Variants in TPCN1 observed in about 807,000 individuals in gnomAD.
The protein encoded by TPCN1 is two pore segment channel 1.
Under a neutral mutation model 108.8 loss-of-function variants are expected in TPCN1, and 52 were observed. The ratio of observed to expected loss-of-function variants is 0.48; its 90% CI spans 0.38 to 0.60. The LOEUF (loss-of-function observed/expected upper bound fraction) is 0.60. Among genes scored for constraint, TPCN1 ranks in the 20% least tolerant of loss-of-function variants. TPCN1 has a pLI of 0.00. For synonymous variants in TPCN1, 446 were observed against 433.7 expected, an observed-to-expected ratio of 1.03 and a Z score of -0.35; for missense variants, 806 against 1,072.8, an observed-to-expected ratio of 0.75 and a Z score of 3.47.
chr12:113,241,318 C>T (rs1196546542), intron 2 of TPCN1, among the ~76,000 whole-genome samples: 1 of 152,208 alleles, frequency 6.6e-6, no homozygotes, highest in Admixed American at 6.5e-5. Context: ...ATGGCCGCCT[C>T]ACCTCTTGTT....
At chr12:113,254,335 G>A (rs1433142578) in intron 2 of TPCN1, among the ~76,000 whole-genome samples, 1 of 152,174 alleles carries the variant, frequency 6.6e-6, no homozygotes, top group Non-Finnish European at 1.5e-5. Flanking sequence ...TATGAGGCCA[G>A]CATTACCTTG....
chr12:113,271,687 TTTC>T (rs1157672669), intron 7 of TPCN1, among the ~76,000 whole-genome samples: 1 of 152,216 alleles, frequency 6.6e-6, no homozygotes, highest in African/African-American at 2.4e-5. Flanking sequence ...GTCGGACGTT[TTTC>T]TTATCACAAA....
At chr12:113,221,961 G>C (rs540006025) in intron 1 of TPCN1, among the ~76,000 whole-genome samples, 1 of 152,272 alleles carries the variant, frequency 6.6e-6, no homozygotes, top group East Asian at 1.9e-4. Flanking sequence ...TGACCCCACA[G>C]GAGTCTTGTG....
chr12:113,223,433 G>GTTTTTTTTTTTTT (rs1167268590), intron 1 of TPCN1, among the ~76,000 whole-genome samples: 1 of 101,764 alleles, frequency 9.8e-6, no homozygotes, highest in Non-Finnish European at 2.0e-5. Flanking sequence ...GATCTGCTGA[G>GTTTTTTTTTTTTT]TCTTTTTTTT....
In TPCN1 at chr12:113,273,815, C is replaced by A; in HGVS notation, c.942+147C>A. 1 of 760,450 alleles carries A rather than the reference C, an allele frequency of 1.3e-6. No individual in the cohort carries two copies. Among genetic ancestry groups the A allele is most frequent in the South Asian group, 1.5e-5 (1 of 66,834 alleles). The allele number at this position is 760,450 out of a possible 1,614,324, so 47.1% of individuals were successfully genotyped here. On this transcript the variant is annotated intron_variant, in intron 10 of 27. Transcript: ENST00000335509. The surrounding 1 kb of genome is among the most constrained non-coding windows in gnomAD (Gnocchi z 4.0). ...GAAGTCCCAGATTCATAGTCAGGTGCGGTGTTGCAGGGAATGCCCTGTCGG... is the reference window on the plus strand; with the variant it reads ...GAAGTCCCAGATTCATAGTCAGGTGAGGTGTTGCAGGGAATGCCCTGTCGG...
Position 113,284,628 on chromosome 12 carries a change from A to G in TPCN1, c.1390A>G (p.Met464Val). The part of the protein sequence containing the change: ...NGVWILVETF[M>V]LKGGNFFSKH... The stretch of plus-strand genomic sequence containing the variant: ...GGTCTGGATCCTCGTGGAGACATTT[A>G]TGCTGAAAGGTGAGCCCCGCTCAGG... The change falls in exon 16 of 28, where the codon ATG (methionine) becomes GTG (valine). Residue 464 changes from methionine (M) to valine (V), a missense_variant. Transcript: ENST00000335509. The surrounding 1 kb of genome is among the most constrained non-coding windows in gnomAD (Gnocchi z 4.1). 6.2e-7 allele frequency: 1 copy of G among 1,614,202 alleles called. No homozygotes were observed.
In TPCN1 at chr12:113,280,137, T is replaced by G; in HGVS notation, c.1298-14T>G. 1 of 1,591,784 alleles carries G rather than the reference T, an allele frequency of 6.3e-7. No individual in the cohort carries two copies. The highest frequency in any genetic ancestry group is 8.6e-7 in the Non-Finnish European group (1 of 1,160,920). On this transcript the variant is annotated splice_polypyrimidine_tract_variant and intron_variant, in intron 14 of 27. Transcript: ENST00000335509. ...GCGTAAATTTACATTTTAACTTGTC[T>G]TTTCTTCAAATAGGTATTAATATCC...
chr12:113,239,743 G>A (rs1000813245), intron 2 of TPCN1, among the ~76,000 whole-genome samples: 1 of 152,176 alleles, frequency 6.6e-6, no homozygotes, highest in Non-Finnish European at 1.5e-5. Context: ...CTCCCCAGGA[G>A]CCCACACATG....
At chr12:113,278,861 G>C (rs772661474) in intron 14 of TPCN1, 26 bp downstream of exon 14, 1 of 1,611,936 alleles carries the variant, frequency 6.2e-7, no homozygotes, top group Admixed American at 1.7e-5. Flanking sequence ...TATGGCAGGT[G>C]TTGGCAGCTG....
Position 113,288,405 on chromosome 12 carries a change from C to T in TPCN1, c.1706+171C>T, listed in dbSNP as rs1956161767. On this transcript the variant is annotated intron_variant, in intron 20 of 27. Transcript: ENST00000335509. The surrounding 1 kb of genome is among the most constrained non-coding windows in gnomAD (Gnocchi z 4.8). Reference sequence around the variant, plus strand: ...TCTTGACCACCACAGGTCTCCTGGGCACCATTTTTCTCCACTGACCTGTCT... The same window carrying T: ...TCTTGACCACCACAGGTCTCCTGGGTACCATTTTTCTCCACTGACCTGTCT... The T allele has an allele frequency of 1.3e-6, 2 of 1,485,356 alleles. No individual in the cohort carries two copies. The highest frequency in any genetic ancestry group is 1.8e-6 in the Non-Finnish European group (2 of 1,119,928). The allele number at this position is 1,485,356 out of a possible 1,614,324, so 92.0% of individuals were successfully genotyped here.
chr12:113,288,245 C>T lies in TPCN1; in HGVS notation c.1706+11C>T, dbSNP rs542380603. 4 of 1,613,602 alleles carry T rather than the reference C, an allele frequency of 2.5e-6. No individual in the cohort carries two copies. The highest frequency in any genetic ancestry group is 4.5e-5 in the East Asian group (2 of 44,868). ...GCCCCGGATGGCCAGGTACTGCCAG[C>T]CCCCACCCTGGCCTGCAGGTCCAGG... On this transcript the variant is annotated intron_variant, in intron 20 of 27. Coordinates refer to ENST00000335509, the MANE Select transcript of TPCN1 (RefSeq NM_017901.6). This position sits in a 1 kb window ranked among gnomAD's most constrained non-coding sequence, Gnocchi z 4.8.
chr12:113,296,223 G>T lies in TPCN1; in HGVS notation c.*147G>T, dbSNP rs1956425944. ...AAAAAAGACAGACAAGATGGGGCTT[G>T]GTTTATAACCACCTTGCCCTGTCTT... On this transcript the variant is annotated 3_prime_UTR_variant, in exon 28 of 28. Transcript: ENST00000335509. 6.9e-6 allele frequency: 9 copies of T among 1,299,452 alleles called. No homozygotes were observed. The highest frequency in any genetic ancestry group is 9.3e-6 in the Non-Finnish European group (9 of 970,618). The allele number at this position is 1,299,452 out of a possible 1,614,324, so 80.5% of individuals were successfully genotyped here.
intron 2 of TPCN1, among the ~76,000 whole-genome samples, chr12:113,236,665 G>A (rs1953908544): frequency 6.6e-6 from 1 of 151,878 alleles, no homozygotes; most frequent in South Asian, 2.1e-4. Flanking sequence ...CCCACACCCT[G>A]GACGGGGCCA....
At chr12:113,233,687 G>A (rs1016971733) in intron 2 of TPCN1, among the ~76,000 whole-genome samples, 3 of 152,216 alleles carry the variant, frequency 2.0e-5, no homozygotes, top group Non-Finnish European at 4.4e-5. Flanking sequence ...CATAATCATG[G>A]CCTGTGGGTG....
At position 113,232,304 on chromosome 12, in the gene TPCN1, C is replaced by G. The variant is rs1176597165; in HGVS notation, c.112+5340C>G. On this transcript the variant is annotated intron_variant, in intron 2 of 27. Transcript: ENST00000335509. This position sits in a 1 kb window ranked among gnomAD's most constrained non-coding sequence, Gnocchi z 5.6. ...CTCAGCAATGTGGAGGATCCCTGCC[C>G]CCTGGCAGGGGCCCCCATGTGGCAC... Among the ~76,000 whole-genome samples, 2 of 152,236 alleles carry G rather than the reference C, an allele frequency of 1.3e-5. No individual in the cohort carries two copies. Among genetic ancestry groups the G allele is most frequent in the Non-Finnish European group, 2.9e-5 (2 of 68,040 alleles).
rs1274852629 is a variant in TPCN1 at position 113,260,417 on chromosome 12, TG to T, written c.167del (p.Gly56ValfsTer14). On this transcript the variant is annotated frameshift_variant, in exon 3 of 28. Transcript: ENST00000335509. LOFTEE classifies it high-confidence loss of function. ...HDSQAPSLSS[G>X]GESSPSSPAH... ...ACTCCCAGGCCCCCAGTCTCAGCTC[TG>T]GGGGTGAGAGTTCCCCCTCCAGCCC... The T allele has an allele frequency of 1.9e-6, 3 of 1,547,668 alleles. No homozygotes were observed. Among genetic ancestry groups the T allele is most frequent in the South Asian group, 1.2e-5 (1 of 81,580 alleles).
intron 22 of TPCN1, 124 bp from the exon 23 acceptor site, chr12:113,290,828 A>G: frequency 1.1e-6 from 1 of 874,648 alleles, no homozygotes; most frequent in Non-Finnish European, 1.9e-6. Context: ...TCACAACCCA[A>G]GCGGTCATAT....
chr12:113,261,426 T>C (rs1264359462), intron 3 of TPCN1, among the ~76,000 whole-genome samples: 1 of 142,400 alleles, frequency 7.0e-6, no homozygotes, highest in Non-Finnish European at 1.5e-5. Flanking sequence ...TTTTTTTTTT[T>C]TTTTTTTCTT....
At chr12:113,263,199 T>A (rs1955108875) in intron 3 of TPCN1, among the ~76,000 whole-genome samples, 1 of 152,230 alleles carries the variant, frequency 6.6e-6, no homozygotes, top group Admixed American at 6.5e-5. Flanking sequence ...AAAAATGCAT[T>A]ATTTTTAAAA....
Sources: gnomAD v4.1 joint callset for allele counts (sites outside exome capture counted in the v4.1 genomes callset) on GRCh38, gnomAD v4.1.1 for gene constraint, Gnocchi (gnomAD v3.1) non-coding constraint, MANE v1.5 for transcripts, NCBI Gene and HGNC (gene_info 2026-07-23, HGNC 2026-07-21) for gene names.